Variants in IL34 observed in about 807,000 individuals in gnomAD.
The protein encoded by IL34 is interleukin-34.
IL34 carries 17 observed loss-of-function variants against 25.3 expected under a neutral mutation model. The observed-to-expected ratio is 0.67, with a 90% CI of 0.46 to 1.01. The LOEUF is 1.01. IL34 is among the 50% of genes least tolerant of loss of function. The pLI, the probability that IL34 is intolerant of heterozygous loss-of-function variation, is 0.00. For missense variants in IL34, 368 were observed against 312.9 expected (o/e 1.18, Z -1.33); for synonymous variants, 174 against 140.9 (o/e 1.23, Z -1.66).
chr16:70,653,634 G>A (rs1181790450), intron 1 of IL34, among the ~76,000 whole-genome samples: 7 of 151,992 alleles, frequency 4.6e-5, no homozygotes, highest in Non-Finnish European at 1.0e-4. Context: ...GGAGTTCTAG[G>A]ATGCAATGAG....
intron 1 of IL34, among the ~76,000 whole-genome samples, chr16:70,625,113 A>G (rs2051362832): frequency 6.6e-6 from 1 of 152,032 alleles, no homozygotes; most frequent in Admixed American, 6.5e-5. Context: ...TTGAGTTTGT[A>G]TTGGGGTCAA....
chr16:70,646,992 C>T lies in IL34; in HGVS notation c.28+17C>T, dbSNP rs768246550. ...GGCTGCGCTGTGAGTACTGGGGGGTCCCTAGGGACCTGCATTGGGAGGCCT... is the reference window on the plus strand; with the variant it reads ...GGCTGCGCTGTGAGTACTGGGGGGTTCCTAGGGACCTGCATTGGGAGGCCT... On this transcript the variant is annotated intron_variant, in intron 1 of 5. Coordinates refer to ENST00000288098, the MANE Select transcript of IL34 (RefSeq NM_001393494.1). The T allele has an allele frequency of 5.5e-6, 8 of 1,448,930 alleles. No individual in the cohort carries two copies. The highest frequency in any genetic ancestry group is 1.5e-5 in the African/African-American group (1 of 66,070). 89.8% of individuals were successfully genotyped at this position (1,448,930 alleles called of 1,614,324 possible). A position where few individuals can be genotyped will look rare whatever the true frequency, so the allele number is the denominator to read the frequency against.
At chr16:70,627,400 C>T (rs2051417794) in intron 1 of IL34, among the ~76,000 whole-genome samples, 1 of 151,676 alleles carries the variant, frequency 6.6e-6, no homozygotes, top group Non-Finnish European at 1.5e-5. Context: ...CTCACTATCC[C>T]TCCCTCCCTC....
chr16:70,596,350 C>T (rs1005213667), intron 1 of IL34, among the ~76,000 whole-genome samples: 3 of 152,140 alleles, frequency 2.0e-5, no homozygotes, highest in African/African-American at 4.8e-5. Context: ...TTATTTATGC[C>T]AAGACTAAGA....
At chr16:70,636,619 ACACACACAC>A (rs1047730586) in intron 1 of IL34, among the ~76,000 whole-genome samples, 1 of 151,392 alleles carries the variant, frequency 6.6e-6, no homozygotes, top group East Asian at 2.0e-4. Flanking sequence ...ACACACACAC[ACACACACAC>A]AAAATTAGCT....
At chr16:70,630,572 T>C (rs1355611657) in intron 1 of IL34, among the ~76,000 whole-genome samples, 2 of 149,426 alleles carry the variant, frequency 1.3e-5, no homozygotes, top group Non-Finnish European at 3.0e-5. Context: ...CCTCTCCTCT[T>C]CTTTCTTTTT....
chr16:70,638,761 T>C (rs915317152), intron 1 of IL34, among the ~76,000 whole-genome samples: 1 of 152,204 alleles, frequency 6.6e-6, no homozygotes, highest in Admixed American at 6.5e-5. Flanking sequence ...AAAAAATTAT[T>C]TGTAGAGATT....
intron 2 of IL34, 76 bp downstream of exon 2, chr16:70,654,747 G>C: frequency 6.6e-7 from 1 of 1,509,772 alleles, no homozygotes; most frequent in Non-Finnish European, 8.9e-7. Context: ...TGGACATTCA[G>C]AGCCCTTCTT....
chr16:70,660,014 C>T lies in IL34; in HGVS notation c.556C>T (p.Leu186=), dbSNP rs1416845853. 1 of 1,597,466 alleles carries T rather than the reference C, an allele frequency of 6.3e-7. No homozygotes were observed. The highest frequency in any genetic ancestry group is 8.5e-7 in the Non-Finnish European group (1 of 1,174,602). Reference sequence around the variant, plus strand: ...TCTTGCAGGTAAACAAAGCTCCGTCCTAAACTGGCAGGACTGTGAGGTGCC... The same window carrying T: ...TCTTGCAGGTAAACAAAGCTCCGTCTTAAACTGGCAGGACTGTGAGGTGCC... The part of the protein sequence containing the change: ...YCSCCKQSSV[L]NWQDCEVPSP... The change falls in exon 6 of 6, where the codon CTA becomes TTA. Residue 186 remains leucine, a synonymous_variant. Transcript: ENST00000288098.
At chr16:70,642,700 C>T (rs1029046578), upstream of IL34, among the ~76,000 whole-genome samples, 4 of 152,186 alleles carry the variant, frequency 2.6e-5, no homozygotes, top group Non-Finnish European at 4.4e-5. Context: ...GGAACCACCA[C>T]ATTAGGGGTT....
intron 1 of IL34, among the ~76,000 whole-genome samples, chr16:70,636,385 C>G (rs2051645250): frequency 6.6e-6 from 1 of 152,102 alleles, no homozygotes; most frequent in Non-Finnish European, 1.5e-5. Context: ...CATTTACAGT[C>G]TAGAAACTTA....
At chr16:70,636,338 G>A (rs899159083) in intron 1 of IL34, among the ~76,000 whole-genome samples, 2 of 151,960 alleles carry the variant, frequency 1.3e-5, no homozygotes, top group African/African-American at 4.8e-5. Context: ...GCCAGGCCCA[G>A]GGTCTGTATT....
At chr16:70,644,894 GGAA>G (rs1248596893), upstream of IL34, among the ~76,000 whole-genome samples, 1 of 137,592 alleles carries the variant, frequency 7.3e-6, no homozygotes, top group Non-Finnish European at 1.6e-5. Context: ...AGGTGGAAGA[GGAA>G]GGAGGAAGAG....
At chr16:70,620,682 A>G (rs1305976414) in intron 1 of IL34, among the ~76,000 whole-genome samples, 2 of 152,118 alleles carry the variant, frequency 1.3e-5, no homozygotes, top group African/African-American at 2.4e-5. Context: ...CCTGGACGTC[A>G]GGCACCTCAG....
upstream of IL34, among the ~76,000 whole-genome samples, chr16:70,641,830 A>T (rs2051791971): frequency 1.3e-5 from 2 of 151,896 alleles, no homozygotes; most frequent in African/African-American, 4.8e-5. Flanking sequence ...AACCTCCCAA[A>T]GTGTTGGAAT....
At chr16:70,657,329 G>A in intron 4 of IL34, 1 of 577,616 alleles carries the variant, frequency 1.7e-6, no homozygotes, top group Non-Finnish European at 3.1e-6. Context: ...TGAGAGCCGG[G>A]CTCGGGGTGC....
chr16:70,631,111 GTGTTA>G (rs1169785851), intron 1 of IL34, among the ~76,000 whole-genome samples: 2 of 152,194 alleles, frequency 1.3e-5, no homozygotes, highest in African/African-American at 4.8e-5. Context: ...AAGACTGACT[GTGTTA>G]TGTTATATTA....
intron 2 of IL34, among the ~76,000 whole-genome samples, chr16:70,655,050 C>G (rs2052180238): frequency 6.7e-6 from 1 of 149,488 alleles, no homozygotes; most frequent in Non-Finnish European, 1.5e-5. Context: ...CTGTGTGGCT[C>G]TATGTATCTT....
At chr16:70,614,496 A>C (rs1176421478) in intron 1 of IL34, among the ~76,000 whole-genome samples, 1 of 152,174 alleles carries the variant, frequency 6.6e-6, no homozygotes, top group African/African-American at 2.4e-5. Context: ...AGAAGCATGG[A>C]AGCTCAGATT....
Sources: gnomAD v4.1 joint callset for allele counts (sites outside exome capture counted in the v4.1 genomes callset) on GRCh38, gnomAD v4.1.1 for gene constraint, MANE v1.5 for transcripts, NCBI Gene and HGNC (gene_info 2026-07-23, HGNC 2026-07-21) for gene names.